The following KDM4C variants were observed in gnomAD, a reference collection of about 807,000 sequenced individuals.
KDM4C encodes the protein lysine-specific demethylase 4C.
In KDM4C, 81 loss-of-function variants were observed where a neutral mutation model predicts 129.3. The observed-to-expected ratio is 0.63, with a 90% CI of 0.52 to 0.75. KDM4C has a LOEUF of 0.75. Among genes scored for constraint, KDM4C ranks in the 30% least tolerant of loss-of-function variants. KDM4C has a pLI of 0.00. For missense variants in KDM4C, 1,457 were observed against 1,304.0 expected (o/e 1.12, Z -1.81); for synonymous variants, 573 against 456.1 (o/e 1.26, Z -3.26).
chr9:6,881,332 GTAA>G (rs1401923158), intron 6 of KDM4C, among the ~76,000 whole-genome samples: 1 of 152,178 alleles, frequency 6.6e-6, no homozygotes, highest in African/African-American at 2.4e-5. Context: ...ATACATAATA[GTAA>G]TAATAGCGAT....
chr9:7,075,164 T>C (rs1211157195), intron 17 of KDM4C, among the ~76,000 whole-genome samples: 3 of 152,180 alleles, frequency 2.0e-5, no homozygotes, highest in East Asian at 3.8e-4. Flanking sequence ...TCAGGTGTTT[T>C]GTTCAGCATC....
At chr9:6,892,719 A>G (rs1588966051) in intron 7 of KDM4C, among the ~76,000 whole-genome samples, 1 of 152,220 alleles carries the variant, frequency 6.6e-6, no homozygotes, top group East Asian at 1.9e-4. Context: ...AATGTCAGTT[A>G]TTATATGATT....
At chr9:7,139,192 T>C (rs1841504657) in intron 19 of KDM4C, among the ~76,000 whole-genome samples, 1 of 152,146 alleles carries the variant, frequency 6.6e-6, no homozygotes, top group Non-Finnish European at 1.5e-5. Context: ...GGAGGATCAC[T>C]TGAGCCTGGG....
intron 18 of KDM4C, among the ~76,000 whole-genome samples, chr9:7,106,127 C>G (rs935545150): frequency 2.6e-5 from 4 of 152,194 alleles, no homozygotes; most frequent in Admixed American, 2.0e-4. Flanking sequence ...CCATTCGACT[C>G]CAAGTACGGA....
intron 19 of KDM4C, among the ~76,000 whole-genome samples, chr9:7,160,767 A>T (rs1189015942): frequency 1.3e-5 from 2 of 152,230 alleles, no homozygotes; most frequent in East Asian, 3.9e-4. Context: ...GTTGTCTCCC[A>T]GTTAGGCTAC....
intron 8 of KDM4C, chr9:6,924,848 T>C (rs1358123564): frequency 2.1e-5 from 21 of 983,562 alleles, no homozygotes; most frequent in Non-Finnish European, 2.5e-5. Context: ...TAAGACAGGC[T>C]GTCCACTATA....
At chr9:6,996,295 T>A (rs1819736494) in intron 12 of KDM4C, among the ~76,000 whole-genome samples, 1 of 152,238 alleles carries the variant, frequency 6.6e-6, no homozygotes, top group Admixed American at 6.5e-5. Context: ...CTAATAATCA[T>A]CCTGCATTGA....
intron 5 of KDM4C, among the ~76,000 whole-genome samples, chr9:6,869,050 A>G (rs1209984737): frequency 6.6e-6 from 1 of 152,110 alleles, no homozygotes; most frequent in Non-Finnish European, 1.5e-5. Flanking sequence ...AATTTTTCTG[A>G]TCGCTCGGGG....
intron 18 of KDM4C, among the ~76,000 whole-genome samples, chr9:7,121,149 G>C (rs926695493): frequency 3.9e-5 from 6 of 152,198 alleles, no homozygotes; most frequent in African/African-American, 1.4e-4. Flanking sequence ...GTTTAAACCA[G>C]TGATAACTAT....
chr9:7,077,079 A>G (rs988726046), intron 17 of KDM4C: 15 of 985,528 alleles, frequency 1.5e-5, no homozygotes, highest in Non-Finnish European at 1.8e-5. Flanking sequence ...ACTATCACTC[A>G]TTCATCAAAG....
chr9:6,722,748 G>C (rs1196961108), intron 1 of KDM4C, among the ~76,000 whole-genome samples: 1 of 151,878 alleles, frequency 6.6e-6, no homozygotes, highest in African/African-American at 2.4e-5. Flanking sequence ...CTCAACCTCA[G>C]GTGATCCGCC....
chr9:7,088,786 T>G (rs892044117), intron 17 of KDM4C, among the ~76,000 whole-genome samples: 33 of 152,210 alleles, frequency 2.2e-4, no homozygotes, highest in African/African-American at 7.9e-4. Context: ...TCAATGGGCT[T>G]GGATTGGAAG....
At chr9:7,094,205 C>T (rs979638218) in intron 17 of KDM4C, among the ~76,000 whole-genome samples, 6 of 152,178 alleles carry the variant, frequency 3.9e-5, no homozygotes, top group African/African-American at 1.4e-4. Flanking sequence ...CTGAATAATC[C>T]GGAAGCAGTA....
chr9:7,001,522 A>T (rs897224144), intron 12 of KDM4C, among the ~76,000 whole-genome samples: 2 of 152,188 alleles, frequency 1.3e-5, no homozygotes, highest in African/African-American at 4.8e-5. Context: ...GAGGAAGAAG[A>T]TGTATAGCCT....
intron 18 of KDM4C, among the ~76,000 whole-genome samples, chr9:7,122,105 CT>C (rs1564145098): frequency 6.6e-6 from 1 of 152,060 alleles, no homozygotes; most frequent in African/African-American, 2.4e-5. Context: ...GTTTAATTGA[CT>C]TATGGTTCTG....
chr9:6,851,658 A>T (rs1053662121), intron 5 of KDM4C, among the ~76,000 whole-genome samples: 1 of 152,154 alleles, frequency 6.6e-6, no homozygotes, highest in Non-Finnish European at 1.5e-5. Context: ...GATGCCTGGG[A>T]CGTTAATTTG....
chr9:6,728,066 CAAAAAAAAAAA>C lies in KDM4C; in HGVS notation c.49+7087_49+7097del, dbSNP rs574486528. ...TTGGCCAAAACCAACCATGAAGCTG[CAAAAAAAAAAA>C]AAAAAAAAAAAAAAAAAGTGTTATA... On this transcript the variant is annotated intron_variant, in intron 1 of 17. Transcript: ENST00000536108. Among the ~76,000 whole-genome samples the C allele has an allele frequency of 2.9e-3, 216 of 73,942 alleles. 4 individuals are homozygous for C. Among genetic ancestry groups the C allele is most frequent in the African/African-American group, 0.01 (174 of 17,384 alleles). The allele number at this position is 73,942 out of a possible 152,430, so 48.5% of individuals were successfully genotyped here.
At chr9:6,950,075 TTG>T (rs1490136006) in intron 8 of KDM4C, among the ~76,000 whole-genome samples, 1 of 65,984 alleles carries the variant, frequency 1.5e-5, no homozygotes, top group Non-Finnish European at 2.8e-5. Context: ...GTATCTTTTC[TTG>T]TTTTTTTTTT....
At chr9:7,085,240 C>T (rs1834977389) in intron 17 of KDM4C, among the ~76,000 whole-genome samples, 1 of 152,208 alleles carries the variant, frequency 6.6e-6, no homozygotes, top group African/African-American at 2.4e-5. Flanking sequence ...GGCTCAGGGC[C>T]ATTGTTGTGT....
Sources: gnomAD v4.1 joint callset for allele counts (sites outside exome capture counted in the v4.1 genomes callset) on GRCh38, gnomAD v4.1.1 for gene constraint, MANE v1.5 for transcripts, NCBI Gene and HGNC (gene_info 2026-07-23, HGNC 2026-07-21) for gene names.